Variants in PARP16 observed in about 807,000 individuals in gnomAD.
PARP16 encodes the protein protein mono-ADP-ribosyltransferase PARP16.
In PARP16, 31 loss-of-function variants were observed where a neutral mutation model predicts 35.0. That is an observed-to-expected ratio of 0.88 (90% CI 0.66 to 1.19). PARP16 has a LOEUF of 1.19. Ranked by LOEUF, PARP16 falls within the 50% of genes most tolerant of loss-of-function variation. PARP16 has a pLI of 0.00. For missense variants in PARP16, 424 were observed against 411.2 expected, an observed-to-expected ratio of 1.03 and a Z score of -0.27; for synonymous variants, 162 against 169.5, an observed-to-expected ratio of 0.96 and a Z score of 0.34.
intron 3 of PARP16, among the ~76,000 whole-genome samples, chr15:65,241,692 G>A (rs2089084911): frequency 6.6e-6 from 1 of 151,756 alleles, no homozygotes; most frequent in African/African-American, 2.4e-5. Flanking sequence ...TTTTACATTA[G>A]TTTTTTATAT....
chr15:65,251,345 A>C (rs1163554408), intron 2 of PARP16, among the ~76,000 whole-genome samples: 1 of 152,212 alleles, frequency 6.6e-6, no homozygotes, highest in East Asian at 1.9e-4. Flanking sequence ...AGGATGGCAA[A>C]GGCTATCAGT....
At chr15:65,248,158 T>C (rs1477202160) in exon 3 of PARP16, 6 of 456,368 alleles carry the variant, frequency 1.3e-5, no homozygotes, top group Admixed American at 7.0e-5. Flanking sequence ...GCCCTTGTCC[T>C]GGGCCCACCC....
At position 65,286,297 on chromosome 15, in the gene PARP16, G is replaced by A. The variant is rs141558905; in HGVS notation, c.130C>T (p.Pro44Ser). The A allele has an allele frequency of 2.9e-4, 459 of 1,601,762 alleles. No homozygotes were observed. Among genetic ancestry groups the A allele is most frequent in the Non-Finnish European group, 3.8e-4 (449 of 1,175,546 alleles). Reference protein sequence around the residue: ...YKRDSVLRPFPASYARGDCKD... With the variant: ...YKRDSVLRPFSASYARGDCKD... ...CAGTCGCCGCGGGCGTAGGACGCGG[G>A]GAAGGGCCGCAGCACCGAGTCGCGC... is the stretch of plus-strand genomic sequence containing the variant. Residue 44 changes from proline (P) to serine (S), a missense_variant, in exon 1 of 6, where the codon CCC (proline) becomes TCC (serine). Physicochemically the swap from Pro to Ser is moderately conservative, Grantham distance 74. Coordinates refer to ENST00000649807, the MANE Select transcript of PARP16 (RefSeq NM_001316943.2).
intron 1 of PARP16, among the ~76,000 whole-genome samples, chr15:65,282,907 G>A (rs1386183404): frequency 6.6e-6 from 1 of 152,062 alleles, no homozygotes; most frequent in Non-Finnish European, 1.5e-5. Context: ...TCTATCAGGG[G>A]CACTTTTACT....
At chr15:65,276,939 G>A (rs909430773) in intron 1 of PARP16, among the ~76,000 whole-genome samples, 3 of 150,396 alleles carry the variant, frequency 2.0e-5, no homozygotes, top group South Asian at 2.1e-4. Flanking sequence ...CCGAGATCAC[G>A]CCACTGCACT....
intron 1 of PARP16, among the ~76,000 whole-genome samples, chr15:65,279,351 C>T (rs574591211): frequency 9.3e-4 from 142 of 152,268 alleles, no homozygotes; most frequent in African/African-American, 3.2e-3. Flanking sequence ...CAAATACCCT[C>T]TCTCTGCTGC....
chr15:65,286,063 T>C (rs2090583468), intron 1 of PARP16, among the ~76,000 whole-genome samples, 190 bp downstream of exon 1: 1 of 152,210 alleles, frequency 6.6e-6, no homozygotes, highest in South Asian at 2.1e-4. Context: ...GGAGTGAGCG[T>C]TGACATGAGG....
At chr15:65,256,227 C>G (rs1226716708), downstream of PARP16, among the ~76,000 whole-genome samples, 1 of 152,122 alleles carries the variant, frequency 6.6e-6, no homozygotes, top group Non-Finnish European at 1.5e-5. Context: ...ATAATAGTAG[C>G]AGCAACTGAT....
chr15:65,242,186 T>C (rs1419882270), intron 3 of PARP16, among the ~76,000 whole-genome samples: 1 of 152,168 alleles, frequency 6.6e-6, no homozygotes, highest in African/African-American at 2.4e-5. Context: ...AATATGTGTA[T>C]ATCTCTATTT....
chr15:65,269,539 G>C (rs1022395665), intron 2 of PARP16, among the ~76,000 whole-genome samples: 2 of 152,160 alleles, frequency 1.3e-5, no homozygotes, highest in Non-Finnish European at 2.9e-5. Context: ...CCAGTCTATG[G>C]CAAAGTTTTC....
At chr15:65,260,759 G>T in intron 5 of PARP16, 126 bp downstream of exon 5, 2 of 803,928 alleles carry the variant, frequency 2.5e-6, no homozygotes, top group Non-Finnish European at 2.1e-6. Context: ...ACCGTGTCCA[G>T]CATGGTGCTT....
chr15:65,253,373 C>T (rs968840262), downstream of PARP16, among the ~76,000 whole-genome samples: 1 of 151,528 alleles, frequency 6.6e-6, no homozygotes, highest in Admixed American at 6.6e-5. Flanking sequence ...CTCTGTCGCC[C>T]AGGCTGGAGT....
chr15:65,260,515 C>T (rs2089674544), intron 5 of PARP16, among the ~76,000 whole-genome samples: 1 of 152,198 alleles, frequency 6.6e-6, no homozygotes, highest in Admixed American at 6.5e-5. Flanking sequence ...AGCCTGTGCA[C>T]AATCACAACC....
chr15:65,260,706 G>A (rs933646956), intron 5 of PARP16, among the ~76,000 whole-genome samples, 179 bp downstream of exon 5: 36 of 152,162 alleles, frequency 2.4e-4, no homozygotes, highest in African/African-American at 8.2e-4. Context: ...AGTCCTCTTA[G>A]GGTCGGGACC....
intron 4 of PARP16, among the ~76,000 whole-genome samples, chr15:65,261,741 A>G (rs2089725601): frequency 6.6e-6 from 1 of 152,238 alleles, no homozygotes; most frequent in East Asian, 1.9e-4. Context: ...TACAGGCATG[A>G]GCCACCACAC....
At chr15:65,283,541 T>C (rs1478905824) in intron 1 of PARP16, among the ~76,000 whole-genome samples, 1 of 152,174 alleles carries the variant, frequency 6.6e-6, no homozygotes, top group Non-Finnish European at 1.5e-5. Context: ...TCACACCTCC[T>C]GGCTGACCAT....
downstream of PARP16, among the ~76,000 whole-genome samples, chr15:65,256,357 CTCA>C (rs149988184): frequency 1.3e-5 from 2 of 151,442 alleles, no homozygotes; most frequent in East Asian, 3.9e-4. Context: ...AAAACCGTAT[CTCA>C]TCATTTTCTT....
Position 65,266,674 on chromosome 15 carries a change from G to C in PARP16, c.407C>G (p.Ala136Gly), listed in dbSNP as rs141588530. ...FEIEYFDPAN[A>G]KFYETKGERD... is the part of the protein sequence containing the mutation. ...TTCTCCTTTGGTCTCATAAAATTTGGCGTTGGCTGGGTCAAAGTACTCAAT... is the reference window on the plus strand; with the variant it reads ...TTCTCCTTTGGTCTCATAAAATTTGCCGTTGGCTGGGTCAAAGTACTCAAT... Residue 136 changes from alanine to glycine, a missense_variant, in exon 3 of 6, where the codon GCC becomes GGC. Coordinates refer to ENST00000649807, the MANE Select transcript of PARP16 (RefSeq NM_001316943.2). 2.6e-5 allele frequency: 42 copies of C among 1,613,998 alleles called. No homozygotes were observed. The African/African-American group carries it at 4.7e-4, about 18-fold the overall frequency.
intron 1 of PARP16, among the ~76,000 whole-genome samples, chr15:65,282,391 C>A (rs1291428446): frequency 6.6e-6 from 1 of 152,180 alleles, no homozygotes; most frequent in East Asian, 1.9e-4. Flanking sequence ...ACCTGATTCC[C>A]TTTTCTTTAA....
Sources: allele counts gnomAD v4.1 joint callset (sites outside exome capture counted in the v4.1 genomes callset), GRCh38; gene constraint gnomAD v4.1.1; transcripts MANE v1.5; gene names NCBI Gene and HGNC (gene_info 2026-07-23, HGNC 2026-07-21).